The following BIN3 variants were observed in gnomAD, a reference collection of about 807,000 sequenced individuals.
The protein encoded by BIN3 is bridging integrator 3.
In BIN3, 41 loss-of-function variants were observed where a neutral mutation model predicts 38.2. The ratio of observed to expected loss-of-function variants is 1.07; its 90% CI spans 0.84 to 1.39. BIN3 has a LOEUF of 1.39. Among genes scored for constraint, BIN3 ranks in the 40% most tolerant of loss-of-function variants. BIN3 has a pLI of 0.00. For missense variants in BIN3, 361 were observed against 324.3 expected (o/e 1.11, Z -0.87); for synonymous variants, 145 against 122.6 (o/e 1.18, Z -1.21).
Position 22,647,973 on chromosome 8 carries a change from C to CA in BIN3, c.9-3171dup, listed in dbSNP as rs148595413. Among the ~76,000 whole-genome samples, 757 of 144,624 alleles carry CA rather than the reference C, an allele frequency of 5.2e-3. 5 individuals are homozygous for CA. Among genetic ancestry groups the CA allele is most frequent in the African/African-American group, 9.2e-3 (359 of 39,070 alleles). 94.9% of individuals were successfully genotyped at this position (144,624 alleles called of 152,430 possible). On this transcript the variant is annotated intron_variant, in intron 1 of 8. Transcript: ENST00000276416. ...AACGCCGTCTCTACTATAAAAAATACAAAAAAAAAAAATTAGCTGGGCATG... is the reference window on the plus strand; with the variant it reads ...AACGCCGTCTCTACTATAAAAAATACAAAAAAAAAAAAATTAGCTGGGCATG...
intron 1 of BIN3, among the ~76,000 whole-genome samples, chr8:22,658,546 A>C (rs1803131873): frequency 6.6e-6 from 1 of 151,798 alleles, no homozygotes; most frequent in Non-Finnish European, 1.5e-5. Flanking sequence ...TTGTTTCCTC[A>C]CTCCCTCTGC....
chr8:22,645,683 T>C (rs575647168), intron 1 of BIN3, among the ~76,000 whole-genome samples: 1 of 152,138 alleles, frequency 6.6e-6, no homozygotes, highest in Non-Finnish European at 1.5e-5. Flanking sequence ...AACTCAGAAA[T>C]TACAGACTCA....
At chr8:22,623,194 G>A (rs1232520996) in intron 8 of BIN3, among the ~76,000 whole-genome samples, 3 of 152,360 alleles carry the variant, frequency 2.0e-5, no homozygotes, top group South Asian at 4.1e-4. Context: ...GAAGGGACCC[G>A]CTTCTGGCAT....
intron 1 of BIN3, among the ~76,000 whole-genome samples, chr8:22,666,639 A>C (rs750887220): frequency 5.3e-5 from 8 of 152,218 alleles, no homozygotes; most frequent in Non-Finnish European, 1.0e-4. Context: ...GGTTGCCTGC[A>C]CAGAGGAAGC....
At chr8:22,643,490 G>A (rs1179082761) in intron 2 of BIN3, among the ~76,000 whole-genome samples, 1 of 152,154 alleles carries the variant, frequency 6.6e-6, no homozygotes, top group Non-Finnish European at 1.5e-5. Flanking sequence ...ATATTTTTTG[G>A]TAGAGTCGGG....
chr8:22,641,447 T>A (rs879831396), intron 2 of BIN3, among the ~76,000 whole-genome samples: 11 of 152,102 alleles, frequency 7.2e-5, no homozygotes, highest in Non-Finnish European at 1.3e-4. Flanking sequence ...CCACCCAAAC[T>A]TATGCTCATG....
At position 22,633,863 on chromosome 8, in the gene BIN3, G is replaced by T. The variant is rs201762210; in HGVS notation, c.160+2662C>A. On this transcript the variant is annotated intron_variant, in intron 4 of 8. Coordinates refer to ENST00000276416, the MANE Select transcript of BIN3 (RefSeq NM_018688.6). ...CTGATGTGGCTGTCAGGCTCGCCTT[G>T]GCCCCATGACCACCACCACCGCTCT... is the stretch of plus-strand genomic sequence containing the variant. 4.6e-5 allele frequency among the ~76,000 whole-genome samples: 7 copies of T among 152,288 alleles called. No individual in the cohort carries two copies. In the East Asian group the frequency reaches 1.2e-3, roughly 25 times the overall value.
intron 8 of BIN3, among the ~76,000 whole-genome samples, chr8:22,623,310 G>A (rs545357623): frequency 1.2e-4 from 19 of 152,310 alleles, no homozygotes; most frequent in African/African-American, 3.8e-4. Flanking sequence ...TCCCGTCCCC[G>A]AGTGGAAGGA....
In BIN3 at chr8:22,623,936, A is replaced by C. The variant is rs1871900; in HGVS notation, c.594T>G (p.Phe198Leu). ...GSRLDYFQPS[F>L]ESLIRAQVVY... ...TCACCTGAGCTCGGATGAGGGACTCAAAGCTGGGCTGGAAGTAGTCGAGGC... is the reference window on the plus strand; with the variant it reads ...TCACCTGAGCTCGGATGAGGGACTCCAAGCTGGGCTGGAAGTAGTCGAGGC... The change falls in exon 8 of 9, where the codon TTT becomes TTG. Residue 198 changes from phenylalanine to leucine, a missense_variant. Physicochemically the swap from Phe to Leu is conservative, Grantham distance 22. Transcript: ENST00000276416. The C allele has an allele frequency of 2.2e-5, 36 of 1,610,724 alleles. No homozygotes were observed. Among genetic ancestry groups the C allele is most frequent in the Admixed American group, 1.7e-4 (10 of 59,694 alleles).
rs780634301 is a variant in BIN3, at chr8:22,636,565, C to T, written c.120G>A (p.Arg40=). 1 of 1,552,576 alleles carries T rather than the reference C, an allele frequency of 6.4e-7. No individual in the cohort carries two copies. The highest frequency in any genetic ancestry group is 1.2e-5 in the South Asian group (1 of 84,108). The change falls in exon 4 of 9, where the codon AGG becomes AGA. Residue 40 remains arginine (R), a synonymous_variant. Coordinates refer to ENST00000276416, the MANE Select transcript of BIN3 (RefSeq NM_018688.6). ...KLQQLEEQTR[R]LQKDMKKSTD... The stretch of plus-strand genomic sequence containing the variant: ...TGCTCTTCTTCATGTCTTTCTGCAG[C>T]CTCCGGGTCTGCTCTTCCAGCCTGC...
rs748885813 is a variant in BIN3, at chr8:22,621,382, G to T, written c.*40C>A. ...CCTGAGAAGGGCAAGGATGAATGAG[G>T]CTGACCACGTCACAGGAGTCCTCCA... On this transcript the variant is annotated 3_prime_UTR_variant, in exon 9 of 9. Coordinates refer to ENST00000276416, the MANE Select transcript of BIN3 (RefSeq NM_018688.6). 5 of 1,591,402 alleles carry T rather than the reference G, an allele frequency of 3.1e-6. No individual in the cohort carries two copies. The highest frequency in any genetic ancestry group is 4.3e-6 in the Non-Finnish European group (5 of 1,168,794).
chr8:22,667,303 T>C (rs1803452491), intron 1 of BIN3, among the ~76,000 whole-genome samples: 1 of 152,216 alleles, frequency 6.6e-6, no homozygotes, highest in Admixed American at 6.5e-5. Context: ...CTACTATTTT[T>C]TCAGAAGGGA....
At chr8:22,664,266 C>G (rs1803340240) in intron 1 of BIN3, among the ~76,000 whole-genome samples, 1 of 152,240 alleles carries the variant, frequency 6.6e-6, no homozygotes, top group Admixed American at 6.5e-5. Context: ...CTCTTTCTGA[C>G]TGCTCCAAGA....
At chr8:22,643,477 T>A (rs1167132653) in intron 2 of BIN3, among the ~76,000 whole-genome samples, 1 of 152,200 alleles carries the variant, frequency 6.6e-6, no homozygotes, top group Admixed American at 6.5e-5. Flanking sequence ...ACTACAGGCG[T>A]GCATATTTTT....
intron 4 of BIN3, among the ~76,000 whole-genome samples, chr8:22,634,239 G>A (rs186670231): frequency 6.6e-6 from 1 of 152,340 alleles, no homozygotes; most frequent in African/African-American, 2.4e-5. Context: ...AACAACTGCA[G>A]ACAAACTCCC....
chr8:22,621,360 G>GAAAAAA lies in BIN3; in HGVS notation c.*61_*62insTTTTTT. The GAAAAAA allele has an allele frequency of 1.9e-6, 3 of 1,553,060 alleles. No individual in the cohort carries two copies. The highest frequency in any genetic ancestry group is 2.6e-6 in the Non-Finnish European group (3 of 1,146,740). On this transcript the variant is annotated 3_prime_UTR_variant, in exon 9 of 9. Coordinates refer to ENST00000276416, the MANE Select transcript of BIN3 (RefSeq NM_018688.6). The stretch of plus-strand genomic sequence containing the variant: ...GCCTGTGAGAGGAGCAGCTAGCCCT[G>GAAAAAA]AGAAGGGCAAGGATGAATGAGGCTG...
intron 4 of BIN3, among the ~76,000 whole-genome samples, chr8:22,631,206 T>C (rs933042167): frequency 3.3e-5 from 5 of 152,200 alleles, no homozygotes; most frequent in African/African-American, 1.2e-4. Context: ...TGCCAACCCC[T>C]GGTTTCCTCA....
intron 6 of BIN3, among the ~76,000 whole-genome samples, chr8:22,626,792 T>C (rs887608278): frequency 6.6e-6 from 1 of 152,174 alleles, no homozygotes; most frequent in Non-Finnish European, 1.5e-5. Context: ...CCTATGCTCG[T>C]TGCTCCAGCA....
At chr8:22,649,838 C>T (rs1023041803) in intron 1 of BIN3, among the ~76,000 whole-genome samples, 13 of 130,574 alleles carry the variant, frequency 1.0e-4, no homozygotes, top group South Asian at 5.3e-4. Flanking sequence ...CACACACACA[C>T]ACACACACAC....
Sources: allele counts gnomAD v4.1 joint callset (sites outside exome capture counted in the v4.1 genomes callset), GRCh38; gene constraint gnomAD v4.1.1; transcripts MANE v1.5; gene names NCBI Gene and HGNC (gene_info 2026-07-23, HGNC 2026-07-21).